OVCH1: variants seen among roughly 807,000 people sequenced by gnomAD.
OVCH1 encodes ovochymase-1.
In OVCH1, 139 loss-of-function variants were observed where a neutral mutation model predicts 138.4. The observed-to-expected ratio is 1.00, with a 90% CI of 0.87 to 1.16. The LOEUF is 1.16. Among genes scored for constraint, OVCH1 ranks in the 50% most tolerant of loss-of-function variants. The pLI is 0.00. For missense variants in OVCH1, 1,367 were observed against 1,357.9 expected, an observed-to-expected ratio of 1.01 and a Z score of -0.11; for synonymous variants, 453 against 467.8, an observed-to-expected ratio of 0.97 and a Z score of 0.41.
intron 27 of OVCH1, among the ~76,000 whole-genome samples, chr12:29,428,852 A>G (rs1418167816): frequency 6.6e-6 from 1 of 152,224 alleles, no homozygotes; most frequent in African/African-American, 2.4e-5. Flanking sequence ...CAATTACAAA[A>G]TGTTTCAAAA....
intron 8 of OVCH1, among the ~76,000 whole-genome samples, chr12:29,480,578 A>T (rs902628031): frequency 2.0e-5 from 3 of 152,196 alleles, no homozygotes; most frequent in African/African-American, 7.2e-5. Flanking sequence ...CTAACCATTG[A>T]TCTATTAATT....
At chr12:29,414,026 T>G (rs1327768544) in intron 3 of OVCH1, among the ~76,000 whole-genome samples, 1 of 31,458 alleles carries the variant, frequency 3.2e-5, no homozygotes, top group Non-Finnish European at 1.4e-4. Context: ...CTCTCTTTTT[T>G]TTTTTTTTTT....
At chr12:29,473,479 C>T (rs1942586975) in intron 14 of OVCH1, among the ~76,000 whole-genome samples, 1 of 152,076 alleles carries the variant, frequency 6.6e-6, no homozygotes, top group African/African-American at 2.4e-5. Context: ...TTCCAAATTT[C>T]TCTCTTCAAT....
chr12:29,451,059 T>G (rs1281687513), intron 22 of OVCH1, among the ~76,000 whole-genome samples: 1 of 151,996 alleles, frequency 6.6e-6, no homozygotes, highest in Non-Finnish European at 1.5e-5. Context: ...GAGAAGTAAC[T>G]AATGTAGATG....
intron 22 of OVCH1, among the ~76,000 whole-genome samples, chr12:29,449,777 C>CA (rs1941728032): frequency 6.6e-6 from 1 of 152,138 alleles, no homozygotes; most frequent in Non-Finnish European, 1.5e-5. Flanking sequence ...TGCAAGGCTA[C>CA]AGTAACCAAA....
At chr12:29,415,435 T>A (rs1941020103) in intron 3 of OVCH1, among the ~76,000 whole-genome samples, 2 of 152,198 alleles carry the variant, frequency 1.3e-5, no homozygotes, top group South Asian at 4.1e-4. Flanking sequence ...TGGCTGCACA[T>A]TAAAATTTCC....
chr12:29,474,596 G>C (rs1942639980), intron 14 of OVCH1, among the ~76,000 whole-genome samples: 1 of 152,136 alleles, frequency 6.6e-6, no homozygotes, highest in South Asian at 2.1e-4. Context: ...AACATGTAGA[G>C]TTATTTGTAG....
intron 18 of OVCH1, among the ~76,000 whole-genome samples, 151 bp from the exon 19 acceptor site, chr12:29,462,159 T>C (rs1487347158): frequency 6.6e-6 from 1 of 152,204 alleles, no homozygotes; most frequent in Non-Finnish European, 1.5e-5. Context: ...ATTTAAAAAA[T>C]ACAAGTGTTT....
chr12:29,434,527 C>T (rs1592035125), intron 26 of OVCH1, among the ~76,000 whole-genome samples: 1 of 151,808 alleles, frequency 6.6e-6, no homozygotes, highest in East Asian at 1.9e-4. Context: ...CAAAAACATA[C>T]ATATGGAACA....
chr12:29,434,318 G>C (rs1228875240), intron 26 of OVCH1, among the ~76,000 whole-genome samples: 1 of 152,130 alleles, frequency 6.6e-6, no homozygotes, highest in East Asian at 1.9e-4. Context: ...TAAAGAGTAT[G>C]CTTAGGTGTT....
intron 19 of OVCH1, among the ~76,000 whole-genome samples, chr12:29,460,626 T>C (rs543863676): frequency 6.6e-6 from 1 of 152,086 alleles, no homozygotes; most frequent in African/African-American, 2.4e-5. Flanking sequence ...ATATCCCAGC[T>C]CCCTCGCTCC....
chr12:29,467,122 G>T (rs1942348252), intron 16 of OVCH1, among the ~76,000 whole-genome samples: 1 of 152,046 alleles, frequency 6.6e-6, no homozygotes, highest in African/African-American at 2.4e-5. Context: ...CATAATGGTA[G>T]CCATTATCAT....
intron 16 of OVCH1, among the ~76,000 whole-genome samples, chr12:29,470,553 CTTT>C (rs1219691572): frequency 6.6e-6 from 1 of 152,116 alleles, no homozygotes. Flanking sequence ...TGATCTCATT[CTTT>C]TTTATGATTG....
intron 12 of OVCH1, among the ~76,000 whole-genome samples, chr12:29,476,804 C>CGTTAGTAAATGCTCAAAAT (rs1942748506): frequency 2.0e-5 from 1 of 50,600 alleles, no homozygotes. Context: ...CACACACACA[C>CGTTAGTAAATGCTCAAAAT]ACAGGTTAGT....
rs370389409 is a variant in OVCH1, at chr12:29,466,731, A to C, written c.1857-1512T>G. Among the ~76,000 whole-genome samples, 6 of 152,142 alleles carry C rather than the reference A, an allele frequency of 3.9e-5. No individual in the cohort carries two copies. In the East Asian group the frequency reaches 5.8e-4, roughly 15 times the overall value. ...CCTACTTCTGATACACCTCAAAATG[A>C]TGTTAAGAAGTTTGAATCAATATCC... On this transcript the variant is annotated intron_variant, in intron 16 of 27. Coordinates refer to ENST00000318184, the Ensembl canonical transcript of OVCH1.
intron 8 of OVCH1, among the ~76,000 whole-genome samples, chr12:29,480,691 G>T (rs1942901337): frequency 6.6e-6 from 1 of 151,960 alleles, no homozygotes; most frequent in African/African-American, 2.4e-5. Flanking sequence ...AACCTGGGTG[G>T]TATCTGTCAT....
At chr12:29,480,722 C>G (rs780328270) in intron 8 of OVCH1, among the ~76,000 whole-genome samples, 6 of 125,568 alleles carry the variant, frequency 4.8e-5, no homozygotes, top group Non-Finnish European at 8.9e-5. Context: ...CCAGCTACCA[C>G]CTACCAGAAT....
rs369703353 is a variant in OVCH1, at chr12:29,468,878, C to A, written c.1856+2924G>T. Among the ~76,000 whole-genome samples, 9 of 152,234 alleles carry A rather than the reference C, an allele frequency of 5.9e-5. No homozygotes were observed. In the East Asian group the frequency reaches 1.3e-3, roughly 23 times the overall value. ...CAATGTGCTACTAGCAACTACTATA[C>A]CCAGCATCAGATCATGATTTATCAT... On this transcript the variant is annotated intron_variant, in intron 16 of 27. Coordinates refer to ENST00000318184, the Ensembl canonical transcript of OVCH1.
chr12:29,485,865 C>T lies in OVCH1; in HGVS notation c.995+381G>A, dbSNP rs940855853. 4.0e-5 allele frequency among the ~76,000 whole-genome samples: 6 copies of T among 151,682 alleles called. No individual in the cohort carries two copies. In the East Asian group the frequency reaches 1.2e-3, roughly 29 times the overall value. ...GGCTAAGGCAGGAGAATCGCTTGAA[C>T]CCAGGAGGCAGAGGTTGCAGTGAGC... On this transcript the variant is annotated intron_variant, in intron 8 of 27. Coordinates refer to ENST00000318184, the Ensembl canonical transcript of OVCH1.
Sources: gnomAD v4.1 joint callset for allele counts (sites outside exome capture counted in the v4.1 genomes callset) on GRCh38, gnomAD v4.1.1 for gene constraint, MANE v1.5 for transcripts, NCBI Gene and HGNC (gene_info 2026-07-23, HGNC 2026-07-21) for gene names.